The following TRAPPC9 variants were observed in gnomAD, a reference collection of about 807,000 sequenced individuals.
The protein encoded by TRAPPC9 is IKK2 binding protein.
A neutral mutation model predicts 124.0 loss-of-function variants in TRAPPC9; 83 were observed. The observed-to-expected ratio is 0.67, with a 90% confidence interval of 0.56 to 0.80. The LOEUF (loss-of-function observed/expected upper bound fraction) is 0.80. Among genes scored for constraint, TRAPPC9 ranks in the 30% least tolerant of loss-of-function variants. The probability of loss-of-function intolerance (pLI) is 0.00; values close to 1 mark genes in which losing one functional copy is unlikely to be tolerated. For synonymous variants in TRAPPC9, 638 were observed against 617.5 expected (o/e 1.03, Z -0.49); for missense variants, 1,302 against 1,508.3 (o/e 0.86, Z 2.27).
chr8:139,911,167 TCAG>T (rs1831706342), intron 19 of TRAPPC9: 1 of 152,084 alleles, frequency 6.6e-6, no homozygotes, highest in South Asian at 2.1e-4. Flanking sequence ...CATACTGTTC[TCAG>T]GGTAGTGAAT....
chr8:139,896,978 T>C (rs1399335316), intron 20 of TRAPPC9, among the ~76,000 whole-genome samples: 1 of 152,224 alleles, frequency 6.6e-6, no homozygotes, highest in Admixed American at 6.5e-5. Context: ...GCAACAGAAC[T>C]GTGAAATCAC....
At chr8:140,255,105 G>A (rs193055634) in intron 15 of TRAPPC9, among the ~76,000 whole-genome samples, 13 of 152,374 alleles carry the variant, frequency 8.5e-5, no homozygotes, top group East Asian at 3.9e-4. Context: ...TCTGGAGCAC[G>A]TCTGACAGAC....
chr8:139,905,634 C>T lies in TRAPPC9; in HGVS notation c.2964+4513G>A, dbSNP rs1195113232. 3.3e-5 allele frequency among the ~76,000 whole-genome samples: 5 copies of T among 151,912 alleles called. No individual in the cohort carries two copies. In the South Asian group the frequency reaches 8.3e-4, roughly 25 times the overall value. Reference sequence around the variant, plus strand: ...TGGTAGGAAACTGCCTGTGTCTGACCAGGTTTCCCAGCCTCTCGTGGGAAA... The same window carrying T: ...TGGTAGGAAACTGCCTGTGTCTGACTAGGTTTCCCAGCCTCTCGTGGGAAA... On this transcript the variant is annotated intron_variant, in intron 20 of 22. Coordinates refer to ENST00000438773, the MANE Select transcript of TRAPPC9 (RefSeq NM_001160372.4).
At chr8:140,344,490 C>T (rs1306387540) in intron 9 of TRAPPC9, among the ~76,000 whole-genome samples, 1 of 152,144 alleles carries the variant, frequency 6.6e-6, no homozygotes, top group East Asian at 1.9e-4. Flanking sequence ...CTGCGCAGGA[C>T]GGTGGCACGC....
rs567731941 is a variant in TRAPPC9, at chr8:140,104,084, A to T, written c.2557-80005T>A. 3.9e-5 allele frequency among the ~76,000 whole-genome samples: 6 copies of T among 152,312 alleles called. No individual in the cohort carries two copies. In the East Asian group the frequency reaches 1.2e-3, roughly 29 times the overall value. ...TTCATTCACTCAGCAGTTACTTAGC[A>T]CTTATCCTGGGTACCAAGCATTGTA... is the stretch of plus-strand genomic sequence containing the variant. On this transcript the variant is annotated intron_variant, in intron 17 of 22. Coordinates refer to ENST00000438773, the MANE Select transcript of TRAPPC9 (RefSeq NM_001160372.4). The surrounding 1 kb of genome is among the most constrained non-coding windows in gnomAD (Gnocchi z 4.0).
intron 21 of TRAPPC9, among the ~76,000 whole-genome samples, chr8:139,770,112 C>T (rs1035002790): frequency 2.0e-5 from 3 of 152,254 alleles, no homozygotes; most frequent in African/African-American, 4.8e-5. Context: ...ATCCCGAGTG[C>T]TGGTCTCCCA....
At chr8:140,457,751 C>G (rs1042628416), upstream of TRAPPC9, 8 of 996,234 alleles carry the variant, frequency 8.0e-6, no homozygotes, top group Non-Finnish European at 7.2e-6. Flanking sequence ...TACTGGCGGC[C>G]GAGCCGGCGC....
chr8:139,887,333 G>A (rs186693179), intron 20 of TRAPPC9, among the ~76,000 whole-genome samples: 119 of 150,504 alleles, frequency 7.9e-4, no homozygotes, highest in Non-Finnish European at 1.3e-3. Context: ...TGATTCTCCT[G>A]CCTCAGTCTC....
At chr8:139,733,110 T>C (rs1463541002) in intron 21 of TRAPPC9, among the ~76,000 whole-genome samples, 2 of 152,096 alleles carry the variant, frequency 1.3e-5, no homozygotes, top group Non-Finnish European at 2.9e-5. Flanking sequence ...AAGGGGAGTC[T>C]TTGAAGATGT....
chr8:139,937,743 G>A (rs1833626089), intron 19 of TRAPPC9, among the ~76,000 whole-genome samples: 1 of 152,216 alleles, frequency 6.6e-6, no homozygotes, highest in Non-Finnish European at 1.5e-5. Flanking sequence ...AAGCGGAAAT[G>A]CGGACGCAAA....
intron 17 of TRAPPC9, among the ~76,000 whole-genome samples, chr8:140,047,364 G>A (rs78687814): frequency 0.015 from 2,213 of 152,322 alleles, 57 homozygotes; most frequent in African/African-American, 0.05. Flanking sequence ...TCCGGGTTGC[G>A]CTAAGAGCCC....
At chr8:140,153,368 A>G (rs1418859605) in intron 17 of TRAPPC9, among the ~76,000 whole-genome samples, 1 of 151,956 alleles carries the variant, frequency 6.6e-6, no homozygotes, top group Non-Finnish European at 1.5e-5. Context: ...AATTGCTATG[A>G]CCATTCATTT....
Position 140,125,587 on chromosome 8 carries a change from C to CTTTTTTTTTT in TRAPPC9, c.2556+95862_2556+95871dup, listed in dbSNP as rs11292333. Among the ~76,000 whole-genome samples the CTTTTTTTTTT allele has an allele frequency of 1.9e-3, 130 of 67,820 alleles. 11 individuals carry two copies. Among genetic ancestry groups the CTTTTTTTTTT allele is most frequent in the Middle Eastern group, 0.019 (1 of 54 alleles). The allele number at this position is 67,820 out of a possible 152,430, so 44.5% of individuals were successfully genotyped here. A position where few individuals can be genotyped will look rare whatever the true frequency, so the allele number is the denominator to read the frequency against. On this transcript the variant is annotated intron_variant, in intron 17 of 22. Coordinates refer to ENST00000438773, the MANE Select transcript of TRAPPC9 (RefSeq NM_001160372.4). ...GCATGTTCATTTATCGAATCTCATT[C>CTTTTTTTTTT]TTTTTTTTTTTTTTTTTTTTTTTTT...
intron 18 of TRAPPC9, among the ~76,000 whole-genome samples, chr8:140,001,413 C>T (rs1178621243): frequency 6.6e-6 from 1 of 151,334 alleles, no homozygotes; most frequent in African/African-American, 2.4e-5. Flanking sequence ...TAAAAAGAAA[C>T]CGGACAAAGA....
In TRAPPC9 at chr8:139,742,110, G is replaced by A. The variant is rs992353713; in HGVS notation, c.3056-9908C>T. 1.3e-5 allele frequency among the ~76,000 whole-genome samples: 2 copies of A among 152,192 alleles called. No individual in the cohort carries two copies. Among genetic ancestry groups the A allele is most frequent in the East Asian group, 1.9e-4 (1 of 5,198 alleles). The stretch of plus-strand genomic sequence containing the variant: ...GAAGCACCAGACTGTTTTCCAAGGC[G>A]GCTGCACCCCCATTCCCAGCGGCGG... On this transcript the variant is annotated intron_variant, in intron 21 of 22. Coordinates refer to ENST00000438773, the MANE Select transcript of TRAPPC9 (RefSeq NM_001160372.4). This position sits in a 1 kb window ranked among gnomAD's most constrained non-coding sequence, Gnocchi z 4.7.
At chr8:139,731,720 A>G (rs2129931379) in intron 22 of TRAPPC9, among the ~76,000 whole-genome samples, 1 of 152,210 alleles carries the variant, frequency 6.6e-6, no homozygotes, top group East Asian at 1.9e-4. Flanking sequence ...TGTCCTGGGC[A>G]CAGCTCCCAT....
intron 21 of TRAPPC9, among the ~76,000 whole-genome samples, chr8:139,801,070 T>C (rs1337300232): frequency 4.8e-5 from 6 of 124,856 alleles, no homozygotes; most frequent in African/African-American, 1.6e-4. Flanking sequence ...CCCTCCAGTA[T>C]CTTCCCTCCC....
At chr8:140,453,883 A>C (rs1351470400) in intron 1 of TRAPPC9, among the ~76,000 whole-genome samples, 1 of 152,244 alleles carries the variant, frequency 6.6e-6, no homozygotes, top group East Asian at 1.9e-4. Flanking sequence ...TGGAGCGCTC[A>C]TGTTTCTCAA....
intron 3 of TRAPPC9, among the ~76,000 whole-genome samples, chr8:140,435,626 A>T (rs1369245093): frequency 6.6e-6 from 1 of 152,206 alleles, no homozygotes; most frequent in Non-Finnish European, 1.5e-5. Context: ...GGAGCTACAG[A>T]GATGTATAAC....
Sources: gnomAD v4.1 joint callset for allele counts (sites outside exome capture counted in the v4.1 genomes callset) on GRCh38, gnomAD v4.1.1 for gene constraint, Gnocchi (gnomAD v3.1) non-coding constraint, MANE v1.5 for transcripts, NCBI Gene and HGNC (gene_info 2026-07-23, HGNC 2026-07-21) for gene names.